Variants in USP2 observed in about 807,000 individuals in gnomAD.
USP2 encodes the protein ubiquitin specific peptidase 2.
A neutral mutation model predicts 72.0 loss-of-function variants in USP2; 33 were observed. The observed-to-expected ratio is 0.46, with a 90% CI of 0.35 to 0.61. The LOEUF is 0.61. USP2 is among the 20% of genes least tolerant of loss of function. USP2 has a pLI of 0.01. For missense variants in USP2, 691 were observed against 797.8 expected, an observed-to-expected ratio of 0.87 and a Z score of 1.61; for synonymous variants, 296 against 312.5, an observed-to-expected ratio of 0.95 and a Z score of 0.56.
At chr11:119,359,439 C>A in intron 4 of USP2, 97 bp from the exon 5 acceptor site, 1 of 1,590,612 alleles carries the variant, frequency 6.3e-7, no homozygotes, top group Non-Finnish European at 8.5e-7. Context: ...GAAAGACAGA[C>A]AGGATAGGAG....
At position 119,356,889 on chromosome 11, in the gene USP2, G is replaced by A. The variant is rs1591313412; in HGVS notation, c.1764C>T (p.Thr588=). The A allele has an allele frequency of 1.3e-6, 2 of 1,564,944 alleles. No individual in the cohort carries two copies. Among genetic ancestry groups the A allele is most frequent in the Non-Finnish European group, 8.7e-7 (1 of 1,155,192 alleles). The change falls in exon 13 of 13, where the codon ACC becomes ACT. Residue 588 remains threonine (T), a synonymous_variant. Transcript: ENST00000260187. ...VTPMSSSQVR[T]SDAYLLFYEL... ...CGTAGAAGAGCAGGTAGGCGTCGCT[G>A]GTGCGCACTTGGCTGGAGGACATGG...
rs371273889 is a variant in USP2, at chr11:119,381,675, C to T, written c.-244G>A. 6.0e-4 allele frequency: 560 copies of T among 928,164 alleles called. 7 individuals carry two copies. In the African/African-American group the frequency reaches 7.5e-3, roughly 12 times the overall value. The allele number at this position is 928,164 out of a possible 1,614,324, so 57.5% of individuals were successfully genotyped here. On this transcript the variant is annotated 5_prime_UTR_variant, in exon 1 of 13. Transcript: ENST00000260187. Reference sequence around the variant, plus strand: ...GAAATCGGCGCCACCCAGCGGGCAGCCGCCTCATCGCGCCTGGGCCGGCAG... The same window carrying T: ...GAAATCGGCGCCACCCAGCGGGCAGTCGCCTCATCGCGCCTGGGCCGGCAG...
In USP2 at chr11:119,355,931, G is replaced by A. The variant is rs983071722; in HGVS notation, c.*904C>T. ...TCCCTTTCCCAGGCGGGTTTGAACA[G>A]AGCACTGGGGAAAAGGGAAGAGGCT... On this transcript the variant is annotated 3_prime_UTR_variant, in exon 13 of 13. Transcript: ENST00000260187. 6.6e-6 allele frequency: 1 copy of A among 151,872 alleles called. No individual in the cohort carries two copies. The highest frequency in any genetic ancestry group is 2.4e-5 in the African/African-American group (1 of 41,324). The allele number at this position is 151,872 out of a possible 1,614,324, so 9.4% of individuals were successfully genotyped here. A position where few individuals can be genotyped will look rare whatever the true frequency, so the allele number is the denominator to read the frequency against.
chr11:119,368,237 A>C (rs912292657), intron 2 of USP2, among the ~76,000 whole-genome samples: 5 of 152,218 alleles, frequency 3.3e-5, no homozygotes, highest in African/African-American at 4.8e-5. Context: ...TCATGACCTC[A>C]GGAAGTTCAA....
At chr11:119,358,114 G>C (rs1277934151) in intron 8 of USP2, 35 bp downstream of exon 8, 3 of 1,614,010 alleles carry the variant, frequency 1.9e-6, no homozygotes, top group Non-Finnish European at 1.7e-6. Context: ...GGACAGGAGA[G>C]GGAGTTCAAC....
chr11:119,376,387 T>C (rs1187594593), intron 1 of USP2: 1 of 985,638 alleles, frequency 1.0e-6, no homozygotes, highest in Non-Finnish European at 1.2e-6. Flanking sequence ...GGCCCTTTCA[T>C]GGGGCAGTGG....
At chr11:119,369,865 C>T (rs1323955845) in intron 2 of USP2, among the ~76,000 whole-genome samples, 2 of 152,148 alleles carry the variant, frequency 1.3e-5, no homozygotes, top group Admixed American at 6.5e-5. Context: ...CCAGGGCTGC[C>T]TCCCATTGTA....
At chr11:119,372,682 C>T (rs1950944495) in intron 2 of USP2, 25 bp downstream of exon 2, 6 of 1,506,748 alleles carry the variant, frequency 4.0e-6, no homozygotes, top group Non-Finnish European at 5.3e-6. Context: ...CCCAGCCTAT[C>T]CCCGGTCCCC....
intron 1 of USP2, among the ~76,000 whole-genome samples, chr11:119,373,853 A>G (rs1391202067): frequency 2.0e-5 from 3 of 152,208 alleles, no homozygotes; most frequent in African/African-American, 7.2e-5. Context: ...CTTCCAGGTC[A>G]AATCCCATTG....
At position 119,360,273 on chromosome 11, in the gene USP2, A is replaced by C. The variant is rs1268621733; in HGVS notation, c.775-39T>G. 7 of 1,609,288 alleles carry C rather than the reference A, an allele frequency of 4.3e-6. No individual in the cohort carries two copies. In the South Asian group the frequency reaches 7.7e-5, roughly 18 times the overall value. On this transcript the variant is annotated intron_variant, in intron 2 of 12. Transcript: ENST00000260187. ...ACATATGGCAATAAGGTGGAAGCAAAGATGCTAGGCCTGTGCTGGGCTCTC... is the reference window on the plus strand; with the variant it reads ...ACATATGGCAATAAGGTGGAAGCAACGATGCTAGGCCTGTGCTGGGCTCTC...
At position 119,358,290 on chromosome 11, in the gene USP2, A is replaced by G. The variant is rs755951184; in HGVS notation, c.1238-38T>C. The G allele has an allele frequency of 1.9e-6, 3 of 1,583,898 alleles. No homozygotes were observed. The East Asian group carries it at 6.7e-5, about 36-fold the overall frequency. ...AGGCCATGAGATGCTGAAATACAGG[A>G]AGTAGAGCATGGTCTTCTGCACAGC... On this transcript the variant is annotated intron_variant, in intron 7 of 12. Transcript: ENST00000260187.
chr11:119,369,287 C>T (rs1037278747), intron 2 of USP2, among the ~76,000 whole-genome samples: 2 of 152,078 alleles, frequency 1.3e-5, no homozygotes, highest in African/African-American at 4.8e-5. Context: ...CGCCCCCTGC[C>T]ACCCGCCCCT....
chr11:119,374,875 C>G (rs1036677107), intron 1 of USP2, among the ~76,000 whole-genome samples: 1 of 152,186 alleles, frequency 6.6e-6, no homozygotes, highest in African/African-American at 2.4e-5. Context: ...CCCCAACTTC[C>G]TCATCTGTAA....
chr11:119,361,554 G>T (rs1431218408), intron 2 of USP2, among the ~76,000 whole-genome samples: 2 of 151,032 alleles, frequency 1.3e-5, no homozygotes, highest in Non-Finnish European at 2.9e-5. Flanking sequence ...TACTCATGCC[G>T]TGTGCTGACA....
intron 4 of USP2, 39 bp downstream of exon 4, chr11:119,359,498 C>T (rs1269324475): frequency 1.9e-6 from 3 of 1,611,524 alleles, no homozygotes; most frequent in Non-Finnish European, 2.5e-6. Context: ...GGAGGAGCAT[C>T]CGGGGGTAGG....
chr11:119,355,586 T>TGG lies in USP2; in HGVS notation c.*1247_*1248dup, dbSNP rs1793422349. ...CAGGCTCCAGCTCCCAGGGCAGGAC[T>TGG]GGAGACCAGCGCTAAGAAGAGCTGA... On this transcript the variant is annotated 3_prime_UTR_variant, in exon 13 of 13. Coordinates refer to ENST00000260187, the MANE Select transcript of USP2 (RefSeq NM_004205.5). The TGG allele has an allele frequency of 6.6e-6, 1 of 151,994 alleles. No homozygotes were observed. Among genetic ancestry groups the TGG allele is most frequent in the African/African-American group, 2.4e-5 (1 of 41,318 alleles). 9.4% of individuals were successfully genotyped at this position (151,994 alleles called of 1,614,324 possible). A position where few individuals can be genotyped will look rare whatever the true frequency, so the allele number is the denominator to read the frequency against.
chr11:119,361,822 A>C (rs1211110291), intron 2 of USP2, among the ~76,000 whole-genome samples: 1 of 152,170 alleles, frequency 6.6e-6, no homozygotes, highest in Non-Finnish European at 1.5e-5. Flanking sequence ...GGATATAAGC[A>C]TCCTTAGAGA....
At position 119,373,658 on chromosome 11, in the gene USP2, A is replaced by C. The variant is rs566021803; in HGVS notation, c.-41-137T>G. 4.8e-5 allele frequency: 40 copies of C among 827,394 alleles called. No homozygotes were observed. In the South Asian group the frequency reaches 6.0e-4, roughly 12 times the overall value. 51.3% of individuals were successfully genotyped at this position (827,394 alleles called of 1,614,324 possible). On this transcript the variant is annotated intron_variant, in intron 1 of 12. Coordinates refer to ENST00000260187, the MANE Select transcript of USP2 (RefSeq NM_004205.5). ...ACAAGAGGCAGGCTGGCTGCTGAGA[A>C]GCACACATGCACGCAGGTGTGCACA...
chr11:119,366,237 G>C (rs769710823), intron 2 of USP2, among the ~76,000 whole-genome samples: 2 of 152,176 alleles, frequency 1.3e-5, no homozygotes, highest in Non-Finnish European at 2.9e-5. Context: ...AGCCTAGAGA[G>C]GTCAAATGAC....
Sources: allele counts gnomAD v4.1 joint callset (sites outside exome capture counted in the v4.1 genomes callset), GRCh38; gene constraint gnomAD v4.1.1; transcripts MANE v1.5; gene names NCBI Gene and HGNC (gene_info 2026-07-23, HGNC 2026-07-21).